ERBB4: variants seen among roughly 807,000 people sequenced by gnomAD.
The protein encoded by ERBB4 is receptor tyrosine-protein kinase erbB-4.
A neutral mutation model predicts 158.0 loss-of-function variants in ERBB4; 42 were observed. The observed-to-expected ratio is 0.27, with a 90% confidence interval of 0.21 to 0.34. The LOEUF is 0.34. ERBB4 is among the 10% of genes least tolerant of loss of function. ERBB4 has a pLI of 1.00. For missense variants in ERBB4, 1,333 were observed against 1,624.1 expected (o/e 0.82, Z 3.08); for synonymous variants, 583 against 558.7 (o/e 1.04, Z -0.61).
At chr2:212,335,457 T>A (rs2088388954) in intron 1 of ERBB4, among the ~76,000 whole-genome samples, 1 of 151,992 alleles carries the variant, frequency 6.6e-6, no homozygotes, top group Admixed American at 6.6e-5. Context: ...ATTCAAAAAT[T>A]TAGAAAATTG....
At chr2:211,557,265 G>C (rs2067259733) in intron 20 of ERBB4, among the ~76,000 whole-genome samples, 1 of 152,246 alleles carries the variant, frequency 6.6e-6, no homozygotes, top group Admixed American at 6.5e-5. Flanking sequence ...ATTGACAAGT[G>C]GGGTCTAATT....
chr2:211,569,402 G>A (rs1246681235), intron 19 of ERBB4, among the ~76,000 whole-genome samples: 2 of 152,146 alleles, frequency 1.3e-5, no homozygotes, highest in Non-Finnish European at 2.9e-5. Context: ...TGTGATTGAA[G>A]TTGTGTCTAC....
intron 5 of ERBB4, among the ~76,000 whole-genome samples, chr2:211,741,624 C>T (rs1012788514): frequency 3.3e-5 from 5 of 151,880 alleles, no homozygotes; most frequent in African/African-American, 1.2e-4. Context: ...TGATCATTTC[C>T]AACATTCCTC....
At chr2:211,389,570 C>CTATT (rs769929456) in intron 25 of ERBB4, among the ~76,000 whole-genome samples, 1 of 152,076 alleles carries the variant, frequency 6.6e-6, no homozygotes, top group Non-Finnish European at 1.5e-5. Context: ...GAATATTTAT[C>CTATT]TATTTTCTTC....
intron 25 of ERBB4, among the ~76,000 whole-genome samples, chr2:211,407,750 C>A (rs75401106): frequency 0.045 from 6,906 of 152,168 alleles, 338 homozygotes; most frequent in African/African-American, 0.13. Context: ...CTTTAGAACA[C>A]GCTGCTATGT....
intron 1 of ERBB4, among the ~76,000 whole-genome samples, chr2:212,359,008 T>G (rs997580625): frequency 4.5e-4 from 69 of 151,908 alleles, no homozygotes; most frequent in Admixed American, 7.9e-4. Flanking sequence ...ACAATTCATT[T>G]AAAACTGATT....
chr2:212,309,143 A>T (rs967001881), intron 1 of ERBB4, among the ~76,000 whole-genome samples: 2 of 150,970 alleles, frequency 1.3e-5, no homozygotes, highest in African/African-American at 4.8e-5. Flanking sequence ...ACAGTTTATG[A>T]AGAAATATGG....
At chr2:211,923,589 AT>A (rs2079931951) in intron 3 of ERBB4, among the ~76,000 whole-genome samples, 1 of 152,214 alleles carries the variant, frequency 6.6e-6, no homozygotes, top group South Asian at 2.1e-4. Flanking sequence ...AGTGCAGAAA[AT>A]GAAAAGGTTC....
At chr2:212,349,834 C>T (rs1185031428) in intron 1 of ERBB4, among the ~76,000 whole-genome samples, 1 of 151,904 alleles carries the variant, frequency 6.6e-6, no homozygotes, top group East Asian at 1.9e-4. Flanking sequence ...AGGAAATGTT[C>T]CCAAGAAGAC....
intron 2 of ERBB4, among the ~76,000 whole-genome samples, chr2:212,107,368 G>A (rs545536526): frequency 6.6e-6 from 1 of 152,266 alleles, no homozygotes; most frequent in Admixed American, 6.5e-5. Context: ...GACTTGCATG[G>A]GGGACTTTAG....
intron 4 of ERBB4, among the ~76,000 whole-genome samples, chr2:211,753,829 G>C (rs1251465055): frequency 6.8e-6 from 1 of 148,060 alleles, no homozygotes; most frequent in Non-Finnish European, 1.5e-5. Flanking sequence ...CTCTTCTCAG[G>C]CATGCACTAA....
At chr2:211,435,306 C>T (rs142126195) in intron 20 of ERBB4, among the ~76,000 whole-genome samples, 1 of 152,312 alleles carries the variant, frequency 6.6e-6, no homozygotes, top group Non-Finnish European at 1.5e-5. Context: ...ATACTGACAG[C>T]AACCACAGTT....
At chr2:212,214,369 T>C (rs1170595779) in intron 1 of ERBB4, among the ~76,000 whole-genome samples, 1 of 151,804 alleles carries the variant, frequency 6.6e-6, no homozygotes, top group Admixed American at 6.6e-5. Flanking sequence ...GAACCACATA[T>C]AACTAATGGC....
In ERBB4 at chr2:211,745,551, C is replaced by T. The variant is rs1461448064; in HGVS notation, c.622+5088G>A. On this transcript the variant is annotated intron_variant, in intron 5 of 27. Transcript: ENST00000342788. ...CTGGCCTACAGGAGTTTGCCTTCCA[C>T]TTTCATTCATTCAGATTTAAATTGG... is the stretch of plus-strand genomic sequence containing the variant. Among the ~76,000 whole-genome samples the T allele has an allele frequency of 3.7e-4, 56 of 152,012 alleles. 1 individual carries two copies. Among genetic ancestry groups the T allele is most frequent in the Admixed American group, 3.7e-3 (56 of 15,262 alleles).
chr2:211,773,523 G>A (rs2075768172), intron 4 of ERBB4, among the ~76,000 whole-genome samples: 1 of 143,420 alleles, frequency 7.0e-6, no homozygotes, highest in South Asian at 2.2e-4. Context: ...CTACCACCTG[G>A]AGGTCAGGTT....
At chr2:212,255,457 G>A (rs1266829173) in intron 1 of ERBB4, among the ~76,000 whole-genome samples, 1 of 151,972 alleles carries the variant, frequency 6.6e-6, no homozygotes, top group Non-Finnish European at 1.5e-5. Flanking sequence ...GAAACCCAGG[G>A]CAAATATATA....
rs574571908 is a variant in ERBB4, at chr2:212,138,662, C to A, written c.83-13759G>T. Among the ~76,000 whole-genome samples the A allele has an allele frequency of 1.7e-3, 253 of 151,714 alleles. 3 individuals carry two copies. In the South Asian group the frequency reaches 0.018, roughly 11 times the overall value. On this transcript the variant is annotated intron_variant, in intron 1 of 27. Coordinates refer to ENST00000342788, the MANE Select transcript of ERBB4 (RefSeq NM_005235.3). ...TAGCAACAGAAAAAGGAGTAGGATA[C>A]CTTAACAAATGTTTTATTCAGTTAG...
At chr2:212,328,404 C>T (rs986677574) in intron 1 of ERBB4, among the ~76,000 whole-genome samples, 8 of 151,956 alleles carry the variant, frequency 5.3e-5, no homozygotes, top group African/African-American at 1.7e-4. Flanking sequence ...TGCTATAATC[C>T]ATTACTCAGA....
chr2:212,191,545 G>GTTATACA lies in ERBB4; in HGVS notation c.83-66643_83-66642insTGTATAA, dbSNP rs1417763634. ...GTTATACCTGTTATATATAACACAT[G>GTTATACA]TGTTATGCCTGTTATATATAACACA... On this transcript the variant is annotated intron_variant, in intron 1 of 27. Coordinates refer to ENST00000342788, the MANE Select transcript of ERBB4 (RefSeq NM_005235.3). Among the ~76,000 whole-genome samples, 105 of 20,262 alleles carry GTTATACA rather than the reference G, an allele frequency of 5.2e-3. 11 individuals are homozygous for GTTATACA. The highest frequency in any genetic ancestry group is 0.016 in the South Asian group (7 of 448). 13.3% of individuals were successfully genotyped at this position (20,262 alleles called of 152,430 possible). A position where few individuals can be genotyped will look rare whatever the true frequency, so the allele number is the denominator to read the frequency against.
Sources: gnomAD v4.1 joint callset for allele counts (sites outside exome capture counted in the v4.1 genomes callset) on GRCh38, gnomAD v4.1.1 for gene constraint, MANE v1.5 for transcripts, NCBI Gene and HGNC (gene_info 2026-07-23, HGNC 2026-07-21) for gene names.